The following RYR3 variants were observed in gnomAD, a reference collection of about 807,000 sequenced individuals.
RYR3 encodes the protein brain ryanodine receptor-calcium release channel.
A neutral mutation model predicts 584.3 loss-of-function variants in RYR3; 207 were observed. The observed-to-expected ratio is 0.35, with a 90% CI of 0.32 to 0.40. The LOEUF (loss-of-function observed/expected upper bound fraction) is 0.40, where lower values mean the gene tolerates loss of function less well. Ranked by LOEUF, RYR3 falls within the 10% of genes least tolerant of loss-of-function variation. RYR3 has a pLI of 1.00. For synonymous variants in RYR3, 2,416 were observed against 2,248.5 expected (o/e 1.07, Z -2.11); for missense variants, 5,616 against 6,089.2 (o/e 0.92, Z 2.59).
intron 17 of RYR3, among the ~76,000 whole-genome samples, chr15:33,602,659 G>A (rs1046040673): frequency 3.4e-5 from 5 of 147,088 alleles, no homozygotes; most frequent in African/African-American, 1.0e-4. Context: ...TTTATGTTTT[G>A]TAATGAAAAT....
intron 3 of RYR3, among the ~76,000 whole-genome samples, chr15:33,524,434 T>G (rs925778470): frequency 6.6e-6 from 1 of 152,218 alleles, no homozygotes; most frequent in African/African-American, 2.4e-5. Flanking sequence ...TTGGGACAGT[T>G]AGGTTCTTTC....
intron 8 of RYR3, 88 bp from the exon 9 acceptor site, chr15:33,548,042 C>T (rs961876300): frequency 2.4e-5 from 21 of 890,496 alleles, no homozygotes; most frequent in African/African-American, 2.0e-4. Flanking sequence ...AAGCTCAGTA[C>T]CTGAACAGCC....
At position 33,740,103 on chromosome 15, in the gene RYR3, A is replaced by G. The variant is rs1425343737; in HGVS notation, c.7820+108A>G. The stretch of plus-strand genomic sequence containing the variant: ...AGCTTTACCTCTTTCCCTCCTGCCA[A>G]CACTGTTCATCATTTCTCTTGATGT... On this transcript the variant is annotated intron_variant, in intron 51 of 103. Coordinates refer to ENST00000634891, the MANE Select transcript of RYR3 (RefSeq NM_001036.6). 8 of 891,640 alleles carry G rather than the reference A, an allele frequency of 9.0e-6. No individual in the cohort carries two copies. In the Admixed American group the frequency reaches 1.9e-4, roughly 21 times the overall value. 55.2% of individuals were successfully genotyped at this position (891,640 alleles called of 1,614,324 possible). A position where few individuals can be genotyped will look rare whatever the true frequency, so the allele number is the denominator to read the frequency against.
chr15:33,721,880 T>A (rs569867399), intron 43 of RYR3, among the ~76,000 whole-genome samples: 1 of 152,254 alleles, frequency 6.6e-6, no homozygotes, highest in African/African-American at 2.4e-5. Context: ...CTTAATCACT[T>A]TATCAGGAAA....
intron 1 of RYR3, among the ~76,000 whole-genome samples, chr15:33,338,855 A>G (rs1349380102): frequency 6.6e-6 from 1 of 152,210 alleles, no homozygotes; most frequent in Admixed American, 6.5e-5. Context: ...AAAGTCCTTG[A>G]AAAATACAAA....
intron 1 of RYR3, among the ~76,000 whole-genome samples, chr15:33,452,553 A>G (rs565985437): frequency 6.6e-6 from 1 of 152,328 alleles, no homozygotes; most frequent in South Asian, 2.1e-4. Context: ...ATAATGATAG[A>G]TCATAACAAA....
rs1262307918 is a variant in RYR3, at chr15:33,755,153, T to A, written c.8488T>A (p.Ser2830Thr). ...FLKKILKYVD[S>T]AQEFIAHLEA... ...GAAGAAGATCCTGAAATACGTTGAT[T>A]CTGCTCAAGAATTTATTGCCCATTT... The change falls in exon 58 of 104, where the codon TCT (serine) becomes ACT (threonine). Residue 2830 changes from serine (S) to threonine (T), a missense_variant. Around this residue, in one of 9 missense-constraint regions of RYR3, gnomAD observed 1,280 missense variants for 1,426.2 expected, o/e 0.90. Transcript: ENST00000634891. The A allele has an allele frequency of 2.5e-6, 4 of 1,610,880 alleles. No individual in the cohort carries two copies. The highest frequency in any genetic ancestry group is 3.4e-4 in the Middle Eastern group (2 of 5,842).
chr15:33,314,318 T>C (rs1967778303), intron 1 of RYR3, among the ~76,000 whole-genome samples: 1 of 152,168 alleles, frequency 6.6e-6, no homozygotes, highest in Non-Finnish European at 1.5e-5. Flanking sequence ...GTAGCCAGTG[T>C]CATTGACGTG....
Position 33,646,453 on chromosome 15 carries a change from T to C in RYR3, c.3868T>C (p.Leu1290=), listed in dbSNP as rs1334708341. The change falls in exon 29 of 104, where the codon TTG becomes CTG. Residue 1290 remains leucine, a synonymous_variant. Transcript: ENST00000634891. ...CAATGCCGACATGATCTATTGCCGC[T>C]TGAGCATGCCTGTCGAGTGCCACTC... ...NSNADMIYCR[L]SMPVECHSSF... 1.2e-6 allele frequency: 2 copies of C among 1,613,868 alleles called. No homozygotes were observed. Among genetic ancestry groups the C allele is most frequent in the South Asian group, 1.1e-5 (1 of 91,080 alleles).
At chr15:33,352,920 C>T (rs1192708324) in intron 1 of RYR3, among the ~76,000 whole-genome samples, 1 of 152,144 alleles carries the variant, frequency 6.6e-6, no homozygotes, top group Non-Finnish European at 1.5e-5. Flanking sequence ...GTTTGCTCTT[C>T]TTTTAATATG....
intron 16 of RYR3, among the ~76,000 whole-genome samples, chr15:33,597,434 G>C (rs529781294): frequency 2.6e-5 from 4 of 152,188 alleles, no homozygotes; most frequent in Non-Finnish European, 5.9e-5. Flanking sequence ...GGTCAACATA[G>C]TGAAACCCTG....
intron 2 of RYR3, among the ~76,000 whole-genome samples, chr15:33,494,631 A>G (rs528982523): frequency 3.3e-5 from 5 of 151,378 alleles, no homozygotes; most frequent in Non-Finnish European, 5.9e-5. Flanking sequence ...TTCTTTTAAA[A>G]GATACTGACA....
chr15:33,718,924 G>A (rs2067696531), intron 43 of RYR3, among the ~76,000 whole-genome samples: 1 of 152,028 alleles, frequency 6.6e-6, no homozygotes, highest in South Asian at 2.1e-4. Context: ...CAAGCCCTTG[G>A]GCAAAACTAG....
chr15:33,697,720 C>A (rs117589435), intron 39 of RYR3, among the ~76,000 whole-genome samples, 162 bp from the exon 40 acceptor site: 1 of 152,036 alleles, frequency 6.6e-6, no homozygotes, highest in Non-Finnish European at 1.5e-5. Flanking sequence ...CTAAAATGGC[C>A]CTCCACATAT....
intron 38 of RYR3, among the ~76,000 whole-genome samples, chr15:33,683,035 C>A (rs2064741553): frequency 6.6e-6 from 1 of 151,832 alleles, no homozygotes; most frequent in Non-Finnish European, 1.5e-5. Flanking sequence ...CGCTCTGTTG[C>A]CCAGGCTGGA....
rs1378085542 is a variant in RYR3 at position 33,537,733 on chromosome 15, T to C, written c.434-1617T>C. 2.6e-5 allele frequency among the ~76,000 whole-genome samples: 4 copies of C among 152,350 alleles called. No individual in the cohort carries two copies. In the East Asian group the frequency reaches 7.7e-4, roughly 29 times the overall value. ...CGTGGCCTCTTTCTGTTCTGACATC[T>C]CACTGGAATGCACCTTAGAGTGGGT... On this transcript the variant is annotated intron_variant, in intron 5 of 103. Transcript: ENST00000634891.
intron 20 of RYR3, 67 bp downstream of exon 20, chr15:33,624,090 T>C (rs2152605853): frequency 9.0e-7 from 1 of 1,108,652 alleles, no homozygotes; most frequent in Non-Finnish European, 1.3e-6. Flanking sequence ...TACTTCTTTC[T>C]TTCTTGTTTT....
At chr15:33,739,572 T>C (rs1259182080) in intron 50 of RYR3, among the ~76,000 whole-genome samples, 1 of 143,744 alleles carries the variant, frequency 7.0e-6, no homozygotes, top group Non-Finnish European at 1.5e-5. Context: ...ATTAGTCATT[T>C]AGGAGATATT....
chr15:33,643,305 A>T (rs1274924040), intron 27 of RYR3, among the ~76,000 whole-genome samples: 5 of 152,102 alleles, frequency 3.3e-5, no homozygotes, highest in Admixed American at 3.3e-4. Context: ...CCTGCCTCTC[A>T]CATCCTCCCA....
Sources: allele counts gnomAD v4.1 joint callset (sites outside exome capture counted in the v4.1 genomes callset), GRCh38; gene constraint gnomAD v4.1.1; regional missense constraint gnomAD v4.1.1; transcripts MANE v1.5; gene names NCBI Gene and HGNC (gene_info 2026-07-23, HGNC 2026-07-21).